The following FAM110B variants were observed in gnomAD, a reference collection of about 807,000 sequenced individuals.
FAM110B encodes the protein protein FAM110B.
FAM110B carries 6 observed loss-of-function variants against 20.4 expected under a neutral mutation model. The observed-to-expected ratio is 0.29, with a 90% CI of 0.16 to 0.58. The LOEUF is 0.58. FAM110B is among the 20% of genes least tolerant of loss of function. FAM110B has a pLI of 0.90. For missense variants in FAM110B, 434 were observed against 498.2 expected (o/e 0.87, Z 1.23); for synonymous variants, 226 against 214.1 (o/e 1.06, Z -0.49).
intron 2 of FAM110B, among the ~76,000 whole-genome samples, chr8:58,043,555 A>G (rs1805260955): frequency 1.3e-5 from 2 of 152,108 alleles, no homozygotes; most frequent in Non-Finnish European, 2.9e-5. Context: ...AACATGTGCC[A>G]TATTGGTATG....
At chr8:58,126,816 A>G (rs934352960) in intron 3 of FAM110B, among the ~76,000 whole-genome samples, 2 of 152,122 alleles carry the variant, frequency 1.3e-5, no homozygotes, top group Admixed American at 6.5e-5. Context: ...TGTCAGATGT[A>G]TATCATGCAG....
chr8:58,040,809 G>T (rs1029162061), intron 2 of FAM110B, among the ~76,000 whole-genome samples: 3 of 151,828 alleles, frequency 2.0e-5, no homozygotes, highest in Admixed American at 2.0e-4. Flanking sequence ...GTCCACTTAT[G>T]ATATTTCTTC....
intron 2 of FAM110B, among the ~76,000 whole-genome samples, chr8:58,052,397 C>T (rs1255453613): frequency 6.6e-6 from 1 of 151,944 alleles, no homozygotes; most frequent in Non-Finnish European, 1.5e-5. Flanking sequence ...AAAAGTAAAC[C>T]TACATAGTAA....
intron 2 of FAM110B, among the ~76,000 whole-genome samples, chr8:58,065,145 A>G (rs1270454699): frequency 3.9e-5 from 6 of 152,192 alleles, no homozygotes; most frequent in Non-Finnish European, 8.8e-5. Flanking sequence ...TCTTTTTTTA[A>G]AAACAGCAGC....
intron 1 of FAM110B, among the ~76,000 whole-genome samples, chr8:58,004,723 C>T (rs548357273): frequency 3.0e-4 from 46 of 152,284 alleles, no homozygotes; most frequent in African/African-American, 1.1e-3. Flanking sequence ...CCAGCCTGGG[C>T]GACAGAGCAA....
chr8:58,024,099 T>C (rs1378214988), intron 1 of FAM110B, among the ~76,000 whole-genome samples: 8 of 152,154 alleles, frequency 5.3e-5, no homozygotes, highest in Admixed American at 5.2e-4. Context: ...TGCTAAATGT[T>C]ATTGTTTATA....
intron 2 of FAM110B, among the ~76,000 whole-genome samples, chr8:58,049,538 G>C (rs961506006): frequency 1.2e-4 from 19 of 152,162 alleles, no homozygotes; most frequent in Admixed American, 7.2e-4. Flanking sequence ...ACAGCAGATG[G>C]ATTGACGGAG....
intron 2 of FAM110B, among the ~76,000 whole-genome samples, chr8:58,071,655 G>A (rs1374662996): frequency 2.0e-5 from 3 of 152,102 alleles, no homozygotes; most frequent in Non-Finnish European, 4.4e-5. Flanking sequence ...CTGGCAGATA[G>A]TAAGTCATCC....
chr8:58,053,094 G>A (rs1805484759), intron 2 of FAM110B, among the ~76,000 whole-genome samples: 1 of 152,090 alleles, frequency 6.6e-6, no homozygotes, highest in Non-Finnish European at 1.5e-5. Context: ...CGAGAGTGAT[G>A]GACTCTTACT....
At chr8:58,068,782 A>G (rs1462518073) in intron 2 of FAM110B, among the ~76,000 whole-genome samples, 6 of 152,158 alleles carry the variant, frequency 3.9e-5, no homozygotes, top group African/African-American at 1.4e-4. Flanking sequence ...GAAAGAAATT[A>G]GGGGAAAAGA....
chr8:58,077,686 C>T (rs1806072287), intron 3 of FAM110B, among the ~76,000 whole-genome samples: 1 of 152,280 alleles, frequency 6.6e-6, no homozygotes, highest in East Asian at 1.9e-4. Context: ...CCTAGGTACA[C>T]AAGAAGGGGT....
chr8:58,034,831 A>T (rs955969998), intron 2 of FAM110B, among the ~76,000 whole-genome samples: 11 of 151,274 alleles, frequency 7.3e-5, no homozygotes, highest in African/African-American at 2.5e-4. Flanking sequence ...TCTGTAACTG[A>T]GAGCCCTCCG....
chr8:58,001,084 G>A (rs900075962), intron 1 of FAM110B, among the ~76,000 whole-genome samples: 5 of 152,162 alleles, frequency 3.3e-5, no homozygotes, highest in South Asian at 4.1e-4. Context: ...TAATGTTTTG[G>A]TAAAGTGGCC....
At chr8:58,046,308 A>C (rs1805319380) in intron 2 of FAM110B, among the ~76,000 whole-genome samples, 1 of 152,228 alleles carries the variant, frequency 6.6e-6, no homozygotes, top group Admixed American at 6.5e-5. Flanking sequence ...TGAACTTTAA[A>C]AGTGTTAGTA....
At chr8:58,009,582 A>T (rs1447643218) in intron 1 of FAM110B, among the ~76,000 whole-genome samples, 1 of 152,266 alleles carries the variant, frequency 6.6e-6, no homozygotes, top group Non-Finnish European at 1.5e-5. Flanking sequence ...TGGGTTAAAT[A>T]TATTATCAAA....
intron 3 of FAM110B, among the ~76,000 whole-genome samples, chr8:58,136,217 G>A (rs767856325): frequency 1.3e-5 from 2 of 151,816 alleles, no homozygotes; most frequent in African/African-American, 2.4e-5. Context: ...TCACCTTGTT[G>A]GCCAGGATGG....
chr8:58,101,995 A>T (rs1030570676), intron 3 of FAM110B, among the ~76,000 whole-genome samples: 2 of 152,244 alleles, frequency 1.3e-5, no homozygotes, highest in Admixed American at 1.3e-4. Context: ...CTCAGTCCCT[A>T]CATCTAAAAT....
intron 1 of FAM110B, among the ~76,000 whole-genome samples, chr8:58,000,199 G>T (rs1804265484): frequency 6.6e-6 from 1 of 152,228 alleles, no homozygotes; most frequent in African/African-American, 2.4e-5. Context: ...TAGCAGCCAA[G>T]GAACCAGGTC....
At chr8:58,124,211 C>G (rs1807435848) in intron 3 of FAM110B, among the ~76,000 whole-genome samples, 2 of 152,318 alleles carry the variant, frequency 1.3e-5, no homozygotes, top group African/African-American at 4.8e-5. Flanking sequence ...GCAGAACATT[C>G]AGTACTGGAT....
Sources: gnomAD v4.1 joint callset for allele counts (sites outside exome capture counted in the v4.1 genomes callset) on GRCh38, gnomAD v4.1.1 for gene constraint, MANE v1.5 for transcripts, NCBI Gene and HGNC (gene_info 2026-07-23, HGNC 2026-07-21) for gene names.